Variants in ZBTB20 observed in about 807,000 individuals in gnomAD.
ZBTB20 encodes the protein zinc finger and BTB domain containing 20.
A neutral mutation model predicts 56.9 loss-of-function variants in ZBTB20; 9 were observed. That is an observed-to-expected ratio of 0.16 (90% confidence interval 0.10 to 0.28). ZBTB20 has a LOEUF of 0.28. Ranked by LOEUF, ZBTB20 falls within the 10% of genes least tolerant of loss-of-function variation. The pLI, the probability that ZBTB20 is intolerant of heterozygous loss-of-function variation, is 1.00. For synonymous variants in ZBTB20, 417 were observed against 420.7 expected (o/e 0.99, Z 0.11); for missense variants, 655 against 1,003.0 (o/e 0.65, Z 4.69).
chr3:114,781,106 C>A (rs983543130), intron 5 of ZBTB20, among the ~76,000 whole-genome samples: 2 of 151,906 alleles, frequency 1.3e-5, no homozygotes, highest in African/African-American at 4.8e-5. Flanking sequence ...AATATATATA[C>A]CTAATATGTA....
At chr3:114,344,252 GGA>G (rs1576245970) in intron 11 of ZBTB20, among the ~76,000 whole-genome samples, 1 of 152,174 alleles carries the variant, frequency 6.6e-6, no homozygotes, top group East Asian at 1.9e-4. Context: ...GCAGAACTTT[GGA>G]GAGTTTCATC....
At chr3:114,965,767 G>A (rs2077624212) in intron 3 of ZBTB20, among the ~76,000 whole-genome samples, 1 of 152,060 alleles carries the variant, frequency 6.6e-6, no homozygotes, top group Non-Finnish European at 1.5e-5. Flanking sequence ...GTGATGTTGA[G>A]CATTTTTTCA....
chr3:114,433,647 G>T (rs2090286580), intron 7 of ZBTB20, among the ~76,000 whole-genome samples: 1 of 152,272 alleles, frequency 6.6e-6, no homozygotes, highest in Non-Finnish European at 1.5e-5. Context: ...TGTTGAGGGG[G>T]ATACAACTGT....
chr3:114,663,904 C>A (rs2060897198), intron 6 of ZBTB20, among the ~76,000 whole-genome samples: 1 of 151,332 alleles, frequency 6.6e-6, no homozygotes. Flanking sequence ...CCTGAGTGAC[C>A]TACAAAGAGA....
At chr3:114,440,882 T>C (rs2090873664) in intron 7 of ZBTB20, among the ~76,000 whole-genome samples, 1 of 152,198 alleles carries the variant, frequency 6.6e-6, no homozygotes, top group Non-Finnish European at 1.5e-5. Flanking sequence ...TGAACTGCTT[T>C]AACTTGGAAC....
At chr3:114,830,305 A>T (rs1447516173) in intron 4 of ZBTB20, among the ~76,000 whole-genome samples, 1 of 152,002 alleles carries the variant, frequency 6.6e-6, no homozygotes, top group Non-Finnish European at 1.5e-5. Flanking sequence ...GATGCTTTTA[A>T]ATCATAAGCT....
intron 2 of ZBTB20, among the ~76,000 whole-genome samples, chr3:115,037,994 A>G (rs1224706170): frequency 6.6e-6 from 1 of 152,276 alleles, no homozygotes; most frequent in African/African-American, 2.4e-5. Context: ...TAACTCCATT[A>G]TCCTTACAAT....
chr3:114,854,519 T>C (rs2075150013), intron 4 of ZBTB20, among the ~76,000 whole-genome samples: 1 of 152,216 alleles, frequency 6.6e-6, no homozygotes, highest in Non-Finnish European at 1.5e-5. Context: ...TTCTTTGGTA[T>C]GTTTTCTGTG....
intron 6 of ZBTB20, among the ~76,000 whole-genome samples, chr3:114,515,763 T>C (rs1311566366): frequency 1.3e-5 from 2 of 152,228 alleles, no homozygotes; most frequent in Non-Finnish European, 1.5e-5. Context: ...TCCAGGATCT[T>C]ATTATATCAG....
chr3:114,341,837 T>C (rs2079795709), intron 11 of ZBTB20, among the ~76,000 whole-genome samples: 1 of 152,198 alleles, frequency 6.6e-6, no homozygotes, highest in South Asian at 2.1e-4. Flanking sequence ...CCTGAGTCCG[T>C]GGTGGACTGC....
intron 3 of ZBTB20, among the ~76,000 whole-genome samples, chr3:114,973,522 C>T (rs1263817342): frequency 4.6e-5 from 7 of 152,100 alleles, no homozygotes; most frequent in Non-Finnish European, 7.4e-5. Context: ...GGTGAAAGTA[C>T]TGCTGCTGCA....
intron 6 of ZBTB20, among the ~76,000 whole-genome samples, chr3:114,637,074 T>C (rs1004953691): frequency 1.4e-4 from 22 of 151,986 alleles, no homozygotes; most frequent in Non-Finnish European, 2.8e-4. Context: ...CAGCCAAAAA[T>C]TGTCACAAGA....
chr3:115,078,613 G>GTGTGTGTGTGTATATATATA (rs769630983), intron 1 of ZBTB20, among the ~76,000 whole-genome samples: 6 of 137,824 alleles, frequency 4.4e-5, no homozygotes, highest in African/African-American at 1.7e-4. Flanking sequence ...GTGTGTGTGT[G>GTGTGTGTGTGTATATATATA]TATATATATA....
intron 7 of ZBTB20, among the ~76,000 whole-genome samples, chr3:114,389,628 A>T (rs58185207): frequency 1.3e-5 from 2 of 152,042 alleles, no homozygotes; most frequent in Non-Finnish European, 2.9e-5. Flanking sequence ...GCTGGCTCAC[A>T]CCTGTAATCC....
chr3:114,363,301 G>A (rs2082073114), intron 10 of ZBTB20, among the ~76,000 whole-genome samples: 1 of 152,162 alleles, frequency 6.6e-6, no homozygotes, highest in African/African-American at 2.4e-5. Context: ...TATCTGCCGA[G>A]AGAGCCAGCA....
chr3:114,774,799 T>C (rs2069466921), intron 5 of ZBTB20, among the ~76,000 whole-genome samples: 1 of 152,160 alleles, frequency 6.6e-6, no homozygotes, highest in Non-Finnish European at 1.5e-5. Context: ...AATTAATTCA[T>C]TTTAGACAAT....
rs1188393424 is a variant in ZBTB20 at position 114,327,042 on chromosome 3, T to G, written c.*11963A>C. The G allele has an allele frequency of 6.6e-6, 1 of 152,186 alleles. No homozygotes were observed. Among genetic ancestry groups the G allele is most frequent in the East Asian group, 1.9e-4 (1 of 5,198 alleles). The allele number at this position is 152,186 out of a possible 1,614,324, so 9.4% of individuals were successfully genotyped here. Reference sequence around the variant, plus strand: ...TCTTCCTATCCTCACGAATATATACTATAGTGTTTCTGTCTATTATTTTGA... The same window carrying G: ...TCTTCCTATCCTCACGAATATATACGATAGTGTTTCTGTCTATTATTTTGA... On this transcript the variant is annotated 3_prime_UTR_variant, in exon 12 of 12. Coordinates refer to ENST00000675478, the MANE Select transcript of ZBTB20 (RefSeq NM_001348800.3).
intron 6 of ZBTB20, among the ~76,000 whole-genome samples, chr3:114,538,208 T>G: frequency 6.6e-6 from 1 of 152,148 alleles, no homozygotes; most frequent in East Asian, 1.9e-4. Context: ...CCTTCCTGGG[T>G]ATAATAATAA....
intron 3 of ZBTB20, among the ~76,000 whole-genome samples, chr3:114,972,791 C>G (rs1347101969): frequency 6.6e-6 from 1 of 151,936 alleles, no homozygotes; most frequent in African/African-American, 2.4e-5. Flanking sequence ...TAGCAGATAA[C>G]CAATCACCAA....
Sources: gnomAD v4.1 joint callset for allele counts (sites outside exome capture counted in the v4.1 genomes callset) on GRCh38, gnomAD v4.1.1 for gene constraint, MANE v1.5 for transcripts, NCBI Gene and HGNC (gene_info 2026-07-23, HGNC 2026-07-21) for gene names.